Variants in TENM3 observed in about 807,000 individuals in gnomAD.
TENM3 encodes teneurin-3.
In TENM3, 63 loss-of-function variants were observed where a neutral mutation model predicts 255.1. The observed-to-expected ratio is 0.25, with a 90% CI of 0.20 to 0.30. The LOEUF is 0.30. Among genes scored for constraint, TENM3 ranks in the 10% least tolerant of loss-of-function variants. TENM3 has a pLI of 1.00. For synonymous variants in TENM3, 1,306 were observed against 1,322.3 expected, an observed-to-expected ratio of 0.99 and a Z score of 0.27; for missense variants, 2,929 against 3,461.1, an observed-to-expected ratio of 0.85 and a Z score of 3.86.
chr4:181,847,450 T>TA, the TENM3 span, among the ~76,000 whole-genome samples: 1 of 152,168 alleles, frequency 6.6e-6, no homozygotes, highest in African/African-American at 2.4e-5. Context: ...CTACCCTACT[T>TA]ATGGGCTTTC....
chr4:182,790,180 A>C (rs2152826900), intron 25 of TENM3, among the ~76,000 whole-genome samples: 1 of 152,298 alleles, frequency 6.6e-6, no homozygotes, highest in South Asian at 2.1e-4. Context: ...TTGAGACAAA[A>C]GTTCGCCCTA....
chr4:182,128,441 G>T, the TENM3 span, among the ~76,000 whole-genome samples: 2 of 152,148 alleles, frequency 1.3e-5, no homozygotes, highest in Admixed American at 6.6e-5. Context: ...GCTTCCCAAA[G>T]TGCTGGGATT....
At chr4:182,234,957 A>G (rs1009836986) in intron 1 of TENM3, among the ~76,000 whole-genome samples, 4 of 152,138 alleles carry the variant, frequency 2.6e-5, no homozygotes, top group South Asian at 2.1e-4. Context: ...TAAAGGGTGC[A>G]TGGAAAACAG....
At chr4:182,596,609 T>C (rs2152401124) in intron 3 of TENM3, among the ~76,000 whole-genome samples, 1 of 152,276 alleles carries the variant, frequency 6.6e-6, no homozygotes, top group South Asian at 2.1e-4. Flanking sequence ...TCTGCCTAAG[T>C]AGAAAGGTGT....
At chr4:181,918,520 T>A in the TENM3 span, among the ~76,000 whole-genome samples, 1 of 152,214 alleles carries the variant, frequency 6.6e-6, no homozygotes, top group African/African-American at 2.4e-5. Flanking sequence ...AAAGCTTAAC[T>A]ACAATAAGTT....
the TENM3 span, among the ~76,000 whole-genome samples, chr4:181,709,476 G>A: frequency 2.0e-4 from 30 of 152,370 alleles, no homozygotes; most frequent in African/African-American, 7.2e-4. Flanking sequence ...TCACTACTGG[G>A]AATGCCTCTA....
At chr4:181,994,971 A>G in the TENM3 span, among the ~76,000 whole-genome samples, 2 of 152,184 alleles carry the variant, frequency 1.3e-5, no homozygotes, top group African/African-American at 2.4e-5. Flanking sequence ...ACACTTATTT[A>G]TATTTAGTTT....
chr4:181,651,739 A>T, the TENM3 span, among the ~76,000 whole-genome samples: 1 of 152,164 alleles, frequency 6.6e-6, no homozygotes, highest in Non-Finnish European at 1.5e-5. Flanking sequence ...TTTTAAAACT[A>T]ATGGGATTAT....
rs377717588 is a variant in TENM3 at position 182,282,486 on chromosome 4, C to T, written c.-76+39010C>T. 3.3e-5 allele frequency among the ~76,000 whole-genome samples: 5 copies of T among 152,238 alleles called. No individual in the cohort carries two copies. In the East Asian group the frequency reaches 9.7e-4, roughly 29 times the overall value. ...GTTAATAGCATGTAAATATGACAAT[C>T]GAAAGTGGCTGTCATCGGTAAGTGA... On this transcript the variant is annotated intron_variant, in intron 1 of 27. Transcript: ENST00000511685.
At chr4:182,322,639 A>G (rs1476083266) in intron 1 of TENM3, among the ~76,000 whole-genome samples, 1 of 152,206 alleles carries the variant, frequency 6.6e-6, no homozygotes, top group Non-Finnish European at 1.5e-5. Context: ...TTGGAAGCAC[A>G]TTAATGAGCT....
chr4:181,844,859 C>T, the TENM3 span, among the ~76,000 whole-genome samples: 1 of 152,114 alleles, frequency 6.6e-6, no homozygotes, highest in African/African-American at 2.4e-5. Flanking sequence ...TTAAATGGTC[C>T]TCCCTCAGCC....
chr4:182,091,984 G>C, the TENM3 span, among the ~76,000 whole-genome samples: 6 of 152,142 alleles, frequency 3.9e-5, no homozygotes, highest in African/African-American at 1.4e-4. Flanking sequence ...CTGTGCACCA[G>C]TCCTGTGACC....
the TENM3 span, among the ~76,000 whole-genome samples, chr4:182,004,156 G>T: frequency 6.6e-6 from 1 of 152,176 alleles, no homozygotes; most frequent in African/African-American, 2.4e-5. Context: ...TATTACATAG[G>T]TATACATGTG....
At chr4:182,746,642 T>C (rs1353692741) in intron 19 of TENM3, among the ~76,000 whole-genome samples, 1 of 152,164 alleles carries the variant, frequency 6.6e-6, no homozygotes, top group Non-Finnish European at 1.5e-5. Flanking sequence ...AGTGGCCTTT[T>C]AGGAAGAGTA....
At chr4:182,365,151 A>G (rs1305324561) in intron 3 of TENM3, among the ~76,000 whole-genome samples, 1 of 152,204 alleles carries the variant, frequency 6.6e-6, no homozygotes, top group Non-Finnish European at 1.5e-5. Context: ...TCGTTTGATT[A>G]GTGAGTTGAA....
chr4:182,348,060 C>A (rs899639117), intron 3 of TENM3, among the ~76,000 whole-genome samples: 5 of 152,158 alleles, frequency 3.3e-5, no homozygotes, highest in Non-Finnish European at 4.4e-5. Context: ...TAGTTATTTT[C>A]TTTCTATTCA....
the TENM3 span, among the ~76,000 whole-genome samples, chr4:181,472,680 G>A: frequency 6.6e-6 from 1 of 152,210 alleles, no homozygotes; most frequent in South Asian, 2.1e-4. Flanking sequence ...GGGAGTAGGA[G>A]TGTAAGCATG....
intron 1 of TENM3, among the ~76,000 whole-genome samples, chr4:182,196,370 C>T (rs1753834600): frequency 6.6e-6 from 1 of 152,114 alleles, no homozygotes; most frequent in Non-Finnish European, 1.5e-5. Context: ...GTGTAGCATC[C>T]AGAAAGTCAG....
chr4:182,044,841 T>TA, the TENM3 span, among the ~76,000 whole-genome samples: 10 of 152,186 alleles, frequency 6.6e-5, no homozygotes, highest in Non-Finnish European at 1.2e-4. Context: ...GCCCACATGA[T>TA]ACTCAAGACG....
Sources: gnomAD v4.1 joint callset for allele counts (sites outside exome capture counted in the v4.1 genomes callset) on GRCh38, gnomAD v4.1.1 for gene constraint, MANE v1.5 for transcripts, NCBI Gene and HGNC (gene_info 2026-07-23, HGNC 2026-07-21) for gene names.